The following PTPRD variants were observed in gnomAD, a reference collection of about 807,000 sequenced individuals.
PTPRD encodes the protein receptor-type tyrosine-protein phosphatase delta.
In PTPRD, 34 loss-of-function variants were observed where a neutral mutation model predicts 214.5. That is an observed-to-expected ratio of 0.16 (90% CI 0.12 to 0.21). The LOEUF is 0.21. Among genes scored for constraint, PTPRD ranks in the 10% least tolerant of loss-of-function variants. The pLI, the probability that PTPRD is intolerant of heterozygous loss-of-function variation, is 1.00. For missense variants in PTPRD, 2,545 were observed against 2,398.7 expected, an observed-to-expected ratio of 1.06 and a Z score of -1.27; for synonymous variants, 1,128 against 845.7, an observed-to-expected ratio of 1.33 and a Z score of -5.79.
chr9:9,410,087 G>A (rs2074887084), intron 8 of PTPRD, among the ~76,000 whole-genome samples: 1 of 152,050 alleles, frequency 6.6e-6, no homozygotes, highest in Non-Finnish European at 1.5e-5. Context: ...GGTTCACTAA[G>A]CAGCCTTATA....
chr9:8,962,473 C>A (rs1244241134), intron 11 of PTPRD, among the ~76,000 whole-genome samples: 9 of 151,734 alleles, frequency 5.9e-5, no homozygotes, highest in Non-Finnish European at 2.9e-5. Context: ...GTCATCTTCC[C>A]TACCAAATGA....
chr9:10,455,033 A>T (rs77162018), intron 2 of PTPRD, among the ~76,000 whole-genome samples: 1,830 of 151,832 alleles, frequency 0.012, 34 homozygotes, highest in African/African-American at 0.04. Flanking sequence ...AATACTTTTT[A>T]AAAATGTCCT....
In PTPRD at chr9:9,177,028, A is replaced by G. The variant is rs1028420073; in HGVS notation, c.-143+6276T>C. 7.9e-5 allele frequency among the ~76,000 whole-genome samples: 12 copies of G among 152,124 alleles called. No individual in the cohort carries two copies. In the East Asian group the frequency reaches 9.6e-4, roughly 12 times the overall value. On this transcript the variant is annotated intron_variant, in intron 10 of 45. Transcript: ENST00000381196. ...TGCCCACTTGTATTAATTCATTTTC[A>G]TACTGCTATAAAGAACTGCCCAAGA...
At chr9:8,494,555 C>G (rs2097218635) in intron 26 of PTPRD, among the ~76,000 whole-genome samples, 1 of 152,188 alleles carries the variant, frequency 6.6e-6, no homozygotes, top group Non-Finnish European at 1.5e-5. Context: ...CCCTCACATG[C>G]CACTGGAGTA....
At chr9:9,186,566 G>A (rs1256025561) in intron 9 of PTPRD, among the ~76,000 whole-genome samples, 1 of 151,244 alleles carries the variant, frequency 6.6e-6, no homozygotes, top group African/African-American at 2.4e-5. Context: ...AGCTGTAATG[G>A]TACCACCGCA....
intron 35 of PTPRD, among the ~76,000 whole-genome samples, chr9:8,434,913 G>A (rs1257549945): frequency 6.6e-6 from 1 of 152,174 alleles, no homozygotes; most frequent in Non-Finnish European, 1.5e-5. Context: ...AAGAGGAAGA[G>A]CAGGAAAGAA....
chr9:9,094,757 A>G (rs1376780912), intron 10 of PTPRD, among the ~76,000 whole-genome samples: 1 of 152,192 alleles, frequency 6.6e-6, no homozygotes, highest in Non-Finnish European at 1.5e-5. Context: ...AACAACAAAC[A>G]ACGACAACAA....
chr9:10,099,315 C>T (rs1402529331), intron 3 of PTPRD, among the ~76,000 whole-genome samples: 1 of 151,352 alleles, frequency 6.6e-6, no homozygotes, highest in Non-Finnish European at 1.5e-5. Context: ...CCTGTAAAAT[C>T]GGAATAAAAT....
rs71319292 is a variant in PTPRD at position 9,738,439 on chromosome 9, C to CTTTTTTTTT, written c.-325-3877_-325-3869dup. ...TGTATTAAAATTCTTCACTCACTCA[C>CTTTTTTTTT]TTTTTTTTTTTTTTTTTTTTTTGAG... On this transcript the variant is annotated intron_variant, in intron 6 of 45. Transcript: ENST00000381196. Among the ~76,000 whole-genome samples the CTTTTTTTTT allele has an allele frequency of 3.9e-3, 301 of 76,514 alleles. 45 individuals are homozygous for CTTTTTTTTT. Among genetic ancestry groups the CTTTTTTTTT allele is most frequent in the Middle Eastern group, 0.016 (1 of 64 alleles). The allele number at this position is 76,514 out of a possible 152,430, so 50.2% of individuals were successfully genotyped here. A position where few individuals can be genotyped will look rare whatever the true frequency, so the allele number is the denominator to read the frequency against.
chr9:9,947,304 T>A (rs1420767336), intron 4 of PTPRD, among the ~76,000 whole-genome samples: 2 of 80,374 alleles, frequency 2.5e-5, no homozygotes, highest in South Asian at 3.6e-4. Flanking sequence ...ATATATATAT[T>A]TTATATATAT....
At chr9:10,552,523 T>A (rs1454753493) in intron 2 of PTPRD, among the ~76,000 whole-genome samples, 1 of 152,132 alleles carries the variant, frequency 6.6e-6, no homozygotes, top group African/African-American at 2.4e-5. Context: ...TTTGTTAAGT[T>A]TTTCAGTTTT....
intron 5 of PTPRD, among the ~76,000 whole-genome samples, chr9:9,778,561 T>A (rs567370585): frequency 1.3e-5 from 2 of 152,146 alleles, no homozygotes; most frequent in Non-Finnish European, 2.9e-5. Context: ...CTAAGGCATG[T>A]CTGTTTTGTA....
At chr9:9,262,991 A>G (rs147359268) in intron 9 of PTPRD, among the ~76,000 whole-genome samples, 1 of 151,780 alleles carries the variant, frequency 6.6e-6, no homozygotes, top group Non-Finnish European at 1.5e-5. Context: ...CACATCTGAT[A>G]CATATAATAA....
At chr9:10,465,725 A>G (rs945053605) in intron 2 of PTPRD, among the ~76,000 whole-genome samples, 5 of 152,220 alleles carry the variant, frequency 3.3e-5, no homozygotes, top group African/African-American at 1.2e-4. Flanking sequence ...TAGAAGAACC[A>G]GGCTATGCCA....
intron 12 of PTPRD, among the ~76,000 whole-genome samples, chr9:8,665,093 G>C (rs1418886245): frequency 1.3e-5 from 2 of 152,124 alleles, no homozygotes; most frequent in Non-Finnish European, 2.9e-5. Flanking sequence ...AAATATGTTC[G>C]CTCATTCTCA....
Position 10,053,521 on chromosome 9 carries a change from T to C in PTPRD, c.-544-19731A>G, listed in dbSNP as rs560964051. Among the ~76,000 whole-genome samples, 201 of 152,286 alleles carry C rather than the reference T, an allele frequency of 1.3e-3. 1 individual carries two copies. Among genetic ancestry groups the C allele is most frequent in the African/African-American group, 4.7e-3 (197 of 41,584 alleles). On this transcript the variant is annotated intron_variant, in intron 3 of 45. Transcript: ENST00000381196. ...ATGGATCTTCTCAGTGGGTAAATAC[T>C]GGAAGCATATATTCCTATACCTACT...
intron 36 of PTPRD, among the ~76,000 whole-genome samples, chr9:8,392,732 G>C (rs1049477612): frequency 6.6e-5 from 10 of 152,256 alleles, no homozygotes; most frequent in Admixed American, 3.3e-4. Flanking sequence ...CTGGTGAAAA[G>C]ACATTTCAGG....
intron 11 of PTPRD, among the ~76,000 whole-genome samples, chr9:8,845,182 A>AAC (rs59559648): frequency 0.35 from 43,529 of 123,840 alleles, 8,769 homozygotes; most frequent in African/African-American, 0.59. Flanking sequence ...AAAAACAAAA[A>AAC]CAAAAAAAAA....
intron 6 of PTPRD, among the ~76,000 whole-genome samples, chr9:9,765,778 TGC>T (rs2098701832): frequency 6.6e-6 from 1 of 152,064 alleles, no homozygotes; most frequent in African/African-American, 2.4e-5. Flanking sequence ...CTCCTGCCAC[TGC>T]CTCCTGAGTA....
Sources: allele counts gnomAD v4.1 joint callset (sites outside exome capture counted in the v4.1 genomes callset), GRCh38; gene constraint gnomAD v4.1.1; transcripts MANE v1.5; gene names NCBI Gene and HGNC (gene_info 2026-07-23, HGNC 2026-07-21).